The following VPS41 variants were observed in gnomAD, a reference collection of about 807,000 sequenced individuals.
VPS41 encodes vacuolar protein sorting-associated protein 41 homolog.
A neutral mutation model predicts 130.9 loss-of-function variants in VPS41; 85 were observed. That is an observed-to-expected ratio of 0.65 (90% CI 0.55 to 0.78). The LOEUF is 0.78. Among genes scored for constraint, VPS41 ranks in the 30% least tolerant of loss-of-function variants. The probability of loss-of-function intolerance (pLI) is 0.00; values close to 1 mark genes in which losing one functional copy is unlikely to be tolerated. For missense variants in VPS41, 874 were observed against 1,018.7 expected, an observed-to-expected ratio of 0.86 and a Z score of 1.93; for synonymous variants, 335 against 332.9, an observed-to-expected ratio of 1.01 and a Z score of -0.07.
At position 38,757,114 on chromosome 7, in the gene VPS41, AT is replaced by A. The variant is rs1331796775; in HGVS notation, c.1551-133del. 5 of 703,240 alleles carry A rather than the reference AT, an allele frequency of 7.1e-6. No homozygotes were observed. In the African/African-American group the frequency reaches 7.3e-5, roughly 10 times the overall value. 43.6% of individuals were successfully genotyped at this position (703,240 alleles called of 1,614,324 possible). ...AGAAAAGTTAACTTTATTTCAAAAA[AT>A]ATTCCTATTTTTGAATAGGATTTAA... On this transcript the variant is annotated intron_variant, in intron 18 of 28. Transcript: ENST00000310301.
intron 5 of VPS41, among the ~76,000 whole-genome samples, chr7:38,826,816 A>T (rs1006985393): frequency 6.6e-6 from 1 of 151,972 alleles, no homozygotes; most frequent in African/African-American, 2.4e-5. Flanking sequence ...TTATTTATTT[A>T]TATTTTTATT....
chr7:38,743,388 G>C lies in VPS41; in HGVS notation c.2122+14C>G. ...GAAAAAAAAGTTATAACCAGAGATG[G>C]CTTTTATGCTTACGTGGTTTGTCAA... is the stretch of plus-strand genomic sequence containing the variant. On this transcript the variant is annotated intron_variant, in intron 24 of 28. Transcript: ENST00000310301. The C allele has an allele frequency of 6.2e-7, 1 of 1,613,538 alleles. No homozygotes were observed. The highest frequency in any genetic ancestry group is 1.7e-4 in the Middle Eastern group (1 of 6,054).
intron 7 of VPS41, among the ~76,000 whole-genome samples, chr7:38,797,775 G>A (rs1784649835): frequency 6.6e-6 from 1 of 152,136 alleles, no homozygotes; most frequent in African/African-American, 2.4e-5. Context: ...GGGGAAACAG[G>A]TTAACAGGGG....
chr7:38,776,592 C>T (rs912099765), intron 11 of VPS41, 87 bp downstream of exon 11: 6 of 702,312 alleles, frequency 8.5e-6, no homozygotes, highest in Admixed American at 4.1e-5. Context: ...CAGATTATAG[C>T]GTATGCTACT....
chr7:38,888,453 A>G (rs548638627), intron 2 of VPS41, among the ~76,000 whole-genome samples: 13 of 152,358 alleles, frequency 8.5e-5, no homozygotes, highest in South Asian at 2.1e-4. Flanking sequence ...TGGTAAAGGT[A>G]TCAATTCAAC....
At chr7:38,781,206 C>T (rs1443286594) in intron 10 of VPS41, among the ~76,000 whole-genome samples, 3 of 152,080 alleles carry the variant, frequency 2.0e-5, no homozygotes, top group Non-Finnish European at 2.9e-5. Flanking sequence ...AATATTATTT[C>T]AACATGTAAT....
In VPS41 at chr7:38,741,753, A is replaced by G. The variant is rs574553689; in HGVS notation, c.2259+232T>C. 4.6e-5 allele frequency among the ~76,000 whole-genome samples: 7 copies of G among 152,360 alleles called. No individual in the cohort carries two copies. In the East Asian group the frequency reaches 1.3e-3, roughly 29 times the overall value. ...AAACAAGTGAAAATTGGAGATGGCTAAAGAATCAAATAGCCTTCTTAAGGC... is the reference window on the plus strand; with the variant it reads ...AAACAAGTGAAAATTGGAGATGGCTGAAGAATCAAATAGCCTTCTTAAGGC... On this transcript the variant is annotated intron_variant, in intron 25 of 28. Transcript: ENST00000310301.
At chr7:38,790,043 T>G (rs73694758) in intron 9 of VPS41, among the ~76,000 whole-genome samples, 176 bp from the exon 10 acceptor site, 83 of 152,354 alleles carry the variant, frequency 5.4e-4, no homozygotes, top group African/African-American at 1.9e-3. Flanking sequence ...AATCACTATT[T>G]ATATTCACCA....
At position 38,816,836 on chromosome 7, in the gene VPS41, C is replaced by A. The variant is rs531356549; in HGVS notation, c.450+981G>T. Among the ~76,000 whole-genome samples the A allele has an allele frequency of 4.4e-3, 666 of 152,260 alleles. 4 individuals carry two copies. The highest frequency in any genetic ancestry group is 0.015 in the African/African-American group (642 of 41,534). ...TTATAGCTCACTGCAACCTCAAACT[C>A]CTAGGTTCAAGTGATCCTCCCACCT... On this transcript the variant is annotated intron_variant, in intron 7 of 28. Transcript: ENST00000310301.
intron 14 of VPS41, among the ~76,000 whole-genome samples, chr7:38,770,061 G>T (rs150206720): frequency 0.022 from 3,404 of 152,188 alleles, 50 homozygotes; most frequent in African/African-American, 0.046. Context: ...CCTGAGGTCG[G>T]GAGTTCAAGA....
chr7:38,853,215 C>T (rs1183942311), intron 4 of VPS41, among the ~76,000 whole-genome samples: 2 of 152,024 alleles, frequency 1.3e-5, no homozygotes, highest in Admixed American at 6.5e-5. Flanking sequence ...ATCAGGAGAT[C>T]AAGACCATCC....
intron 22 of VPS41, chr7:38,745,868 A>G (rs1391574120): frequency 1.0e-5 from 4 of 393,612 alleles, no homozygotes; most frequent in Non-Finnish European, 1.8e-5. Flanking sequence ...AGTAGAAAAC[A>G]AGACACCAAA....
intron 7 of VPS41, among the ~76,000 whole-genome samples, chr7:38,809,341 A>G (rs957358346): frequency 2.7e-5 from 4 of 147,736 alleles, no homozygotes; most frequent in African/African-American, 9.8e-5. Context: ...AAATATATAT[A>G]TATGTATATT....
chr7:38,768,706 G>C (rs2115823692), intron 14 of VPS41, among the ~76,000 whole-genome samples: 1 of 152,194 alleles, frequency 6.6e-6, no homozygotes, highest in South Asian at 2.1e-4. Context: ...TTCCATCAAG[G>C]TTCAGAGAAA....
chr7:38,763,573 G>C, intron 16 of VPS41, 26 bp from the exon 17 acceptor site: 2 of 1,500,884 alleles, frequency 1.3e-6, no homozygotes, highest in Admixed American at 4.3e-5. Context: ...GGAAAAAAAA[G>C]TCCATTAAAA....
At chr7:38,741,292 A>G in intron 25 of VPS41, 1 of 327,346 alleles carries the variant, frequency 3.1e-6, no homozygotes, top group South Asian at 2.6e-5. Flanking sequence ...CCGAATTTTT[A>G]AGGAAATGTT....
At position 38,726,283 on chromosome 7, in the gene VPS41, C is replaced by T. The variant is rs1059508; in HGVS notation, c.2528G>A (p.Arg843His). 36,478 of 1,613,624 alleles carry T rather than the reference C, an allele frequency of 0.023. 478 individuals carry two copies. The highest frequency in any genetic ancestry group is 0.027 in the Non-Finnish European group (31,309 of 1,179,592). The change falls in exon 29 of 29, where the codon CGT becomes CAT. Residue 843 changes from arginine to histidine, a missense_variant. Transcript: ENST00000310301. ...CTCCAAAATTGCACTTCCTGGTCCA[C>T]GGTTCTTAGCACTGCAGATGTTGCA... ...QFCNICSAKN[R>H]GPGSAILEMK... is the part of the protein sequence containing the mutation.
intron 4 of VPS41, among the ~76,000 whole-genome samples, chr7:38,838,839 T>A (rs1409109548): frequency 6.6e-6 from 1 of 152,212 alleles, no homozygotes; most frequent in Non-Finnish European, 1.5e-5. Flanking sequence ...AGGAATAAAT[T>A]CACGGTCATT....
intron 4 of VPS41, among the ~76,000 whole-genome samples, chr7:38,848,694 C>T (rs891263542): frequency 3.9e-5 from 6 of 152,162 alleles, no homozygotes; most frequent in Admixed American, 2.6e-4. Context: ...TGGTAACACA[C>T]CAAACTAATG....
Sources: gnomAD v4.1 joint callset for allele counts (sites outside exome capture counted in the v4.1 genomes callset) on GRCh38, gnomAD v4.1.1 for gene constraint, MANE v1.5 for transcripts, NCBI Gene and HGNC (gene_info 2026-07-23, HGNC 2026-07-21) for gene names.